The following CAVIN1 variants were observed in gnomAD, a reference collection of about 807,000 sequenced individuals.
CAVIN1 encodes the protein caveolae-associated protein 1.
A neutral mutation model predicts 24.0 loss-of-function variants in CAVIN1; 16 were observed. The ratio of observed to expected loss-of-function variants is 0.67; its 90% CI spans 0.45 to 1.01. CAVIN1 has a LOEUF of 1.01. CAVIN1 is among the 50% of genes least tolerant of loss of function. The pLI is 0.00. For missense variants in CAVIN1, 510 were observed against 551.7 expected, an observed-to-expected ratio of 0.92 and a Z score of 0.76; for synonymous variants, 256 against 256.4, an observed-to-expected ratio of 1.00 and a Z score of 0.02.
chr17:42,422,973 T>G lies in CAVIN1; in HGVS notation c.125A>C (p.Glu42Ala). ...AEEPSGAGSE[E>A]LIKSDQVNGV... is the part of the protein sequence containing the mutation. The stretch of plus-strand genomic sequence containing the variant: ...GTTCACCTGGTCCGACTTGATCAGC[T>G]CTTCTGAGCCGGCCCCCGACGGCTC... The change falls in exon 1 of 2, where the codon GAG becomes GCG. Residue 42 changes from glutamate (E) to alanine (A), a missense_variant. By Grantham distance (107) the Glu-to-Ala change is moderately radical (BLOSUM62 -1). Transcript: ENST00000357037. The G allele has an allele frequency of 6.2e-7, 1 of 1,613,788 alleles. No homozygotes were observed. The highest frequency in any genetic ancestry group is 8.5e-7 in the Non-Finnish European group (1 of 1,179,960).
rs981110437 is a variant in CAVIN1 at position 42,404,145 on chromosome 17, A to C, written c.*542T>G. The C allele has an allele frequency of 6.5e-6, 1 of 153,106 alleles. No individual in the cohort carries two copies. The highest frequency in any genetic ancestry group is 1.5e-5 in the Non-Finnish European group (1 of 68,682). 9.5% of individuals were successfully genotyped at this position (153,106 alleles called of 1,614,324 possible). On this transcript the variant is annotated 3_prime_UTR_variant, in exon 2 of 2. Coordinates refer to ENST00000357037, the MANE Select transcript of CAVIN1 (RefSeq NM_012232.6). ...GGACCCCCAGCCAGGGTGAGGGCTC[A>C]TTCTGCTCTGTCTTCCCCACTGCCT...
chr17:42,412,226 A>C (rs2085483179), intron 1 of CAVIN1: 1 of 984,880 alleles, frequency 1.0e-6, no homozygotes, highest in Admixed American at 6.2e-5. Context: ...GCCAGGTCAG[A>C]GGGTGCATTC....
intron 1 of CAVIN1, among the ~76,000 whole-genome samples, chr17:42,419,447 G>T (rs552920275): frequency 6.6e-6 from 1 of 152,044 alleles, no homozygotes; most frequent in Non-Finnish European, 1.5e-5. Context: ...CGAGTAACCA[G>T]GATTAGAGGT....
chr17:42,421,779 C>T (rs2145488544), intron 1 of CAVIN1, among the ~76,000 whole-genome samples: 1 of 152,212 alleles, frequency 6.6e-6, no homozygotes, highest in South Asian at 2.1e-4. Flanking sequence ...CGCTGCTGCG[C>T]CTGGCCCCCG....
rs1238004112 is a variant in CAVIN1 at position 42,422,673 on chromosome 17, T to C, written c.425A>G (p.Glu142Gly). The change falls in exon 1 of 2, where the codon GAG becomes GGG. Residue 142 changes from glutamate to glycine, a missense_variant. Coordinates refer to ENST00000357037, the MANE Select transcript of CAVIN1 (RefSeq NM_012232.6). The part of the protein sequence containing the change: ...AGQIKKLEVN[E>G]AELLRRRNFK... Reference sequence around the variant, plus strand: ...GTTGCGGCGCCGCAGCAGCTCGGCCTCGTTGACCTCCAGCTTCTTGATCTG... The same window carrying C: ...GTTGCGGCGCCGCAGCAGCTCGGCCCCGTTGACCTCCAGCTTCTTGATCTG... 6.2e-7 allele frequency: 1 copy of C among 1,604,422 alleles called. No homozygotes were observed. Among genetic ancestry groups the C allele is most frequent in the Non-Finnish European group, 8.5e-7 (1 of 1,175,912 alleles).
chr17:42,405,682 GTTTTTTTTT>G (rs531661585), intron 1 of CAVIN1, among the ~76,000 whole-genome samples: 3 of 57,828 alleles, frequency 5.2e-5, no homozygotes, highest in Non-Finnish European at 7.6e-5. Flanking sequence ...CTCTCTCCTT[GTTTTTTTTT>G]TTTTTTTTTT....
chr17:42,413,176 G>A (rs2085490554), intron 1 of CAVIN1, among the ~76,000 whole-genome samples: 1 of 149,956 alleles, frequency 6.7e-6, no homozygotes, highest in Non-Finnish European at 1.5e-5. Flanking sequence ...CAAGTGATCT[G>A]CCCTCCTTGG....
chr17:42,415,957 A>T (rs1419193515), intron 1 of CAVIN1, among the ~76,000 whole-genome samples: 2 of 151,370 alleles, frequency 1.3e-5, no homozygotes, highest in African/African-American at 4.9e-5. Flanking sequence ...GAAAAATAAA[A>T]ATAAAAAGGC....
At chr17:42,422,408 C>T (rs986954253) in intron 1 of CAVIN1, among the ~76,000 whole-genome samples, 16 of 152,120 alleles carry the variant, frequency 1.1e-4, no homozygotes, top group South Asian at 4.1e-4. Context: ...AGAGCGCGCC[C>T]CTCTACGCGC....
At chr17:42,418,844 T>C (rs754247509) in intron 1 of CAVIN1, among the ~76,000 whole-genome samples, 28 of 152,120 alleles carry the variant, frequency 1.8e-4, no homozygotes, top group Admixed American at 3.9e-4. Flanking sequence ...TCCAAAAATA[T>C]GTACAACTAT....
chr17:42,419,040 A>G (rs1221237095), intron 1 of CAVIN1, among the ~76,000 whole-genome samples: 1 of 152,046 alleles, frequency 6.6e-6, no homozygotes, highest in Non-Finnish European at 1.5e-5. Context: ...AAATATGAAA[A>G]AAAACAATTT....
chr17:42,410,770 G>T (rs2085470519), intron 1 of CAVIN1, among the ~76,000 whole-genome samples: 1 of 151,556 alleles, frequency 6.6e-6, no homozygotes, highest in Non-Finnish European at 1.5e-5. Flanking sequence ...AAATTAGCTG[G>T]GTGTGGTGGC....
intron 1 of CAVIN1, among the ~76,000 whole-genome samples, chr17:42,407,155 C>A (rs533249902): frequency 3.9e-5 from 6 of 152,046 alleles, no homozygotes; most frequent in Non-Finnish European, 7.4e-5. Context: ...CTCCCTCCCC[C>A]ACCTCCACCC....
intron 1 of CAVIN1, among the ~76,000 whole-genome samples, chr17:42,422,034 C>A (rs9909335): frequency 0.096 from 14,573 of 152,232 alleles, 796 homozygotes; most frequent in African/African-American, 0.15. Flanking sequence ...GGGTGGGCCG[C>A]CGAGGCCGAT....
chr17:42,420,057 G>T (rs1320755473), intron 1 of CAVIN1, among the ~76,000 whole-genome samples: 1 of 150,794 alleles, frequency 6.6e-6, no homozygotes, highest in Non-Finnish European at 1.5e-5. Flanking sequence ...CACAACGGGG[G>T]CCTTCCCATC....
Position 42,413,628 on chromosome 17 carries a change from C to T in CAVIN1, c.472-8240G>A, listed in dbSNP as rs1229969094. 2.4e-5 allele frequency among the ~76,000 whole-genome samples: 3 copies of T among 125,178 alleles called. No individual in the cohort carries two copies. In the Admixed American group the frequency reaches 2.6e-4, roughly 11 times the overall value. The allele number at this position is 125,178 out of a possible 152,430, so 82.1% of individuals were successfully genotyped here. ...GTCCCTGGGGCCAAAAGGGGTGGGGCAAACTCAAGCCCAAGAATTAATAAA... is the reference window on the plus strand; with the variant it reads ...GTCCCTGGGGCCAAAAGGGGTGGGGTAAACTCAAGCCCAAGAATTAATAAA... On this transcript the variant is annotated intron_variant, in intron 1 of 1. Transcript: ENST00000357037.
intron 1 of CAVIN1, among the ~76,000 whole-genome samples, chr17:42,410,011 A>G (rs1027704138): frequency 3.3e-5 from 5 of 152,148 alleles, no homozygotes; most frequent in Non-Finnish European, 7.4e-5. Flanking sequence ...GAGGAGCCAC[A>G]GGGAGGCTCC....
intron 1 of CAVIN1, among the ~76,000 whole-genome samples, chr17:42,419,437 C>T (rs938942390): frequency 1.3e-5 from 2 of 151,920 alleles, no homozygotes; most frequent in South Asian, 2.1e-4. Context: ...CTCAGCCTCC[C>T]GAGTAACCAG....
chr17:42,420,857 T>A (rs773309807), intron 1 of CAVIN1, among the ~76,000 whole-genome samples: 2 of 152,136 alleles, frequency 1.3e-5, no homozygotes, highest in Non-Finnish European at 2.9e-5. Context: ...GAGCTCTTCA[T>A]GGTGGCTCTC....
Sources: allele counts gnomAD v4.1 joint callset (sites outside exome capture counted in the v4.1 genomes callset), GRCh38; gene constraint gnomAD v4.1.1; transcripts MANE v1.5; gene names NCBI Gene and HGNC (gene_info 2026-07-23, HGNC 2026-07-21).